Variants in SEMA6D observed in about 807,000 individuals in gnomAD.
SEMA6D encodes the protein semaphorin 6D, also known as semaphorin-6D.
Under a neutral mutation model 106.6 loss-of-function variants are expected in SEMA6D, and 35 were observed. That is an observed-to-expected ratio of 0.33 (90% CI 0.25 to 0.44). SEMA6D has a LOEUF of 0.44. Among genes scored for constraint, SEMA6D ranks in the 20% least tolerant of loss-of-function variants. The probability of loss-of-function intolerance (pLI) is 1.00; values close to 1 mark genes in which losing one functional copy is unlikely to be tolerated. For synonymous variants in SEMA6D, 499 were observed against 487.7 expected, an observed-to-expected ratio of 1.02 and a Z score of -0.31; for missense variants, 1,185 against 1,345.9, an observed-to-expected ratio of 0.88 and a Z score of 1.87.
In SEMA6D at chr15:47,391,720, A is replaced by G. The variant is rs543418479; in HGVS notation, c.-238-20673A>G. On this transcript the variant is annotated intron_variant, in intron 1 of 19. Coordinates refer to the SEMA6D transcript ENST00000558014. The stretch of plus-strand genomic sequence containing the variant: ...TATTGTATGATTTCTACACAAATGC[A>G]TTTTTTGCTGAATGTTTCTTGTGGG... Among the ~76,000 whole-genome samples, 4 of 150,390 alleles carry G rather than the reference A, an allele frequency of 2.7e-5. No individual in the cohort carries two copies. The East Asian group carries it at 5.9e-4, about 22-fold the overall frequency.
rs1367457101 is a variant in SEMA6D at position 47,552,841 on chromosome 15, T to A, written c.-86-48024T>A. Among the ~76,000 whole-genome samples, 199 of 36,582 alleles carry A rather than the reference T, an allele frequency of 5.4e-3. 4 individuals carry two copies. Among genetic ancestry groups the A allele is most frequent in the East Asian group, 0.018 (11 of 626 alleles). 24.0% of individuals were successfully genotyped at this position (36,582 alleles called of 152,430 possible). ...AAATATATATATTTTTATATATATA[T>A]AAATATATATAAATATATATATATT... On this transcript the variant is annotated intron_variant, in intron 3 of 19. Coordinates refer to the SEMA6D transcript ENST00000558014.
intron 3 of SEMA6D, among the ~76,000 whole-genome samples, chr15:47,560,765 G>T (rs764615601): frequency 5.9e-5 from 9 of 151,976 alleles, no homozygotes; most frequent in Non-Finnish European, 1.3e-4. Flanking sequence ...ATCTCTGTGT[G>T]CCCTAGTCCA....
At chr15:47,377,716 G>T (rs2039498036) in intron 1 of SEMA6D, among the ~76,000 whole-genome samples, 1 of 152,140 alleles carries the variant, frequency 6.6e-6, no homozygotes, top group African/African-American at 2.4e-5. Flanking sequence ...TGGAAAATTT[G>T]TCTGGAGTCT....
chr15:47,191,724 T>A (rs1261909834), intron 1 of SEMA6D, among the ~76,000 whole-genome samples: 2 of 150,464 alleles, frequency 1.3e-5, no homozygotes, highest in African/African-American at 4.9e-5. Context: ...TTACAGGATG[T>A]TGGGGGAGCT....
chr15:47,397,816 A>T (rs548257192), intron 1 of SEMA6D: 35 of 152,320 alleles, frequency 2.3e-4, no homozygotes, highest in Admixed American at 2.1e-3. Flanking sequence ...CTTCATAAGC[A>T]ATTTCCAGTG....
Position 47,771,609 on chromosome 15 carries a change from C to G in SEMA6D, c.3046C>G (p.Pro1016Ala), listed in dbSNP as rs34884840. 1.2e-6 allele frequency: 2 copies of G among 1,614,066 alleles called. No homozygotes were observed. The highest frequency in any genetic ancestry group is 1.7e-6 in the Non-Finnish European group (2 of 1,179,966). ...GAAGGTGGACTATATTCAGGGAACA[C>G]CAGTGAGTGTTCATCTGCAGCCTTC... is the stretch of plus-strand genomic sequence containing the variant. The part of the protein sequence containing the change: ...GAKVDYIQGT[P>A]VSVHLQPSLS... Residue 1016 changes from proline (P) to alanine (A), a missense_variant, in exon 19 of 19, where the codon CCA (proline) becomes GCA (alanine). Physicochemically the swap from Pro to Ala is conservative, Grantham distance 27. Around this residue, in one of 3 missense-constraint regions of SEMA6D, gnomAD observed 750 missense variants for 783.5 expected, o/e 0.96. Transcript: ENST00000536845.
chr15:47,298,255 G>A (rs762458704), intron 1 of SEMA6D, among the ~76,000 whole-genome samples: 4 of 152,108 alleles, frequency 2.6e-5, no homozygotes, highest in Non-Finnish European at 5.9e-5. Context: ...GCCCTGTGGA[G>A]CTCCCAGGTG....
chr15:47,313,700 T>C, intron 1 of SEMA6D, among the ~76,000 whole-genome samples: 1 of 152,128 alleles, frequency 6.6e-6, no homozygotes. Context: ...GTGTAGCTGA[T>C]ACTAAAGGCG....
At chr15:47,197,671 A>G (rs1433189156) in intron 1 of SEMA6D, among the ~76,000 whole-genome samples, 1 of 152,078 alleles carries the variant, frequency 6.6e-6, no homozygotes, top group African/African-American at 2.4e-5. Flanking sequence ...TTGTTTGATG[A>G]TTCTTGACTC....
intron 4 of SEMA6D, among the ~76,000 whole-genome samples, chr15:47,674,760 T>C (rs1415072571): frequency 3.9e-5 from 6 of 152,152 alleles, no homozygotes; most frequent in African/African-American, 9.7e-5. Context: ...TCAGAAAGAA[T>C]TGTGTACATG....
At chr15:47,462,460 A>G (rs955876286) in intron 2 of SEMA6D, among the ~76,000 whole-genome samples, 3 of 152,010 alleles carry the variant, frequency 2.0e-5, no homozygotes, top group African/African-American at 7.2e-5. Context: ...CGGGAACTAT[A>G]TAGGTTTTTT....
chr15:47,626,764 T>C (rs549899608), intron 4 of SEMA6D, among the ~76,000 whole-genome samples: 1 of 152,162 alleles, frequency 6.6e-6, no homozygotes, highest in Admixed American at 6.6e-5. Context: ...CCTTGTTTGA[T>C]AGAGTGTTAA....
chr15:47,556,212 C>G (rs2045910169), intron 3 of SEMA6D, among the ~76,000 whole-genome samples: 1 of 152,082 alleles, frequency 6.6e-6, no homozygotes, highest in South Asian at 2.1e-4. Context: ...TAACAGGAAT[C>G]AAAATGGAAG....
chr15:47,426,423 C>T (rs1331090693), intron 2 of SEMA6D, among the ~76,000 whole-genome samples: 2 of 152,100 alleles, frequency 1.3e-5, no homozygotes, highest in Non-Finnish European at 2.9e-5. Context: ...TAGTTTTGAT[C>T]ATCAGTACCC....
At chr15:47,681,610 T>TA (rs1181385545) in intron 4 of SEMA6D, among the ~76,000 whole-genome samples, 1 of 152,098 alleles carries the variant, frequency 6.6e-6, no homozygotes, top group Admixed American at 6.6e-5. Flanking sequence ...TTTAGCAAAA[T>TA]AAAAAAATAG....
At chr15:47,465,124 C>T (rs764558859) in intron 2 of SEMA6D, among the ~76,000 whole-genome samples, 3 of 152,120 alleles carry the variant, frequency 2.0e-5, no homozygotes, top group African/African-American at 4.8e-5. Flanking sequence ...AGTAGGTACT[C>T]GATAAACACA....
intron 1 of SEMA6D, among the ~76,000 whole-genome samples, chr15:47,745,789 T>C (rs1294826616): frequency 6.6e-6 from 1 of 152,200 alleles, no homozygotes; most frequent in East Asian, 1.9e-4. Flanking sequence ...CCATTTTTAG[T>C]CCAGATCTAT....
intron 1 of SEMA6D, among the ~76,000 whole-genome samples, chr15:47,194,246 G>A: frequency 6.6e-6 from 1 of 152,078 alleles, no homozygotes; most frequent in East Asian, 1.9e-4. Context: ...TCATATATGT[G>A]TCACTAAGGA....
At chr15:47,585,489 A>G (rs1566911288) in intron 3 of SEMA6D, among the ~76,000 whole-genome samples, 1 of 152,146 alleles carries the variant, frequency 6.6e-6, no homozygotes, top group African/African-American at 2.4e-5. Context: ...TTGAAAAGGT[A>G]ATATTGCCTG....
Sources: gnomAD v4.1 joint callset for allele counts (sites outside exome capture counted in the v4.1 genomes callset) on GRCh38, gnomAD v4.1.1 for gene constraint, gnomAD v4.1.1 regional missense constraint, MANE v1.5 for transcripts, NCBI Gene and HGNC (gene_info 2026-07-23, HGNC 2026-07-21) for gene names.